Variants in SKAP1 observed in about 807,000 individuals in gnomAD.
The protein encoded by SKAP1 is src kinase associated phosphoprotein 1, also known as src kinase-associated phosphoprotein 1.
SKAP1 carries 44 observed loss-of-function variants against 58.5 expected under a neutral mutation model. That is an observed-to-expected ratio of 0.75 (90% CI 0.59 to 0.97). SKAP1 has a LOEUF of 0.97. Among genes scored for constraint, SKAP1 ranks in the 50% least tolerant of loss-of-function variants. The pLI is 0.00. For synonymous variants in SKAP1, 127 were observed against 149.7 expected, an observed-to-expected ratio of 0.85 and a Z score of 1.11; for missense variants, 390 against 435.2, an observed-to-expected ratio of 0.90 and a Z score of 0.92.
At chr17:48,443,460 CTGTT>C in the SKAP1 span, among the ~76,000 whole-genome samples, 37,520 of 149,964 alleles carry the variant, frequency 0.25, 5,888 homozygotes, top group African/African-American at 0.45. Flanking sequence ...CAAGGTAAGT[CTGTT>C]TGTTTGTTTG....
intron 11 of SKAP1, among the ~76,000 whole-genome samples, chr17:48,150,413 G>A (rs114544636): frequency 3.3e-5 from 5 of 152,298 alleles, no homozygotes; most frequent in Admixed American, 1.3e-4. Context: ...AGGAGAGGAG[G>A]AACAGGAAAG....
chr17:48,229,425 A>G (rs993092385), intron 4 of SKAP1, among the ~76,000 whole-genome samples: 6 of 152,070 alleles, frequency 3.9e-5, no homozygotes, highest in Non-Finnish European at 8.8e-5. Flanking sequence ...GTTTGTGACT[A>G]GCCTGGCCAA....
At chr17:48,424,758 C>A (rs2144621017) in intron 1 of SKAP1, among the ~76,000 whole-genome samples, 1 of 148,378 alleles carries the variant, frequency 6.7e-6, no homozygotes, top group Admixed American at 6.7e-5. Flanking sequence ...CATGCTGAAA[C>A]CCCGTGTCTA....
intron 5 of SKAP1, 145 bp from the exon 6 acceptor site, chr17:48,188,071 G>A (rs2305433): frequency 1.8e-5 from 11 of 615,424 alleles, no homozygotes; most frequent in African/African-American, 1.3e-4. Flanking sequence ...CACTCCCACA[G>A]GTTATCCCAT....
chr17:48,349,731 C>A (rs1003320324), intron 3 of SKAP1, among the ~76,000 whole-genome samples: 1 of 152,144 alleles, frequency 6.6e-6, no homozygotes, highest in Non-Finnish European at 1.5e-5. Context: ...TTCTGAGAGT[C>A]AAACTCAATT....
intron 4 of SKAP1, among the ~76,000 whole-genome samples, chr17:48,233,372 G>A (rs1398073375): frequency 2.0e-5 from 3 of 152,174 alleles, no homozygotes; most frequent in African/African-American, 7.2e-5. Flanking sequence ...AAAAGAGAAA[G>A]GATGGCAGTG....
chr17:48,290,999 G>C (rs971486249), intron 4 of SKAP1, among the ~76,000 whole-genome samples: 4 of 152,118 alleles, frequency 2.6e-5, no homozygotes, highest in African/African-American at 9.7e-5. Flanking sequence ...GCTGGCTGTG[G>C]TGGCATGCGC....
At chr17:48,402,091 G>T (rs1438701360) in intron 1 of SKAP1, among the ~76,000 whole-genome samples, 4 of 152,128 alleles carry the variant, frequency 2.6e-5, no homozygotes, top group Non-Finnish European at 5.9e-5. Flanking sequence ...ACACCCACTA[G>T]AATGGTTACA....
intron 11 of SKAP1, among the ~76,000 whole-genome samples, chr17:48,142,054 C>T (rs1442347621): frequency 1.3e-5 from 2 of 152,214 alleles, no homozygotes; most frequent in African/African-American, 4.8e-5. Flanking sequence ...CTGTCTTTGT[C>T]TCAGTGTCAA....
At chr17:48,248,081 T>C (rs941526167) in intron 4 of SKAP1, among the ~76,000 whole-genome samples, 1 of 152,162 alleles carries the variant, frequency 6.6e-6, no homozygotes, top group Non-Finnish European at 1.5e-5. Context: ...ACTATTTCTA[T>C]TAAGGCAAAT....
At chr17:48,277,972 A>T (rs968331355) in intron 4 of SKAP1, among the ~76,000 whole-genome samples, 1 of 152,254 alleles carries the variant, frequency 6.6e-6, no homozygotes, top group Non-Finnish European at 1.5e-5. Context: ...GTGGGAAACC[A>T]TTAAGCACCT....
chr17:48,184,732 G>A lies in SKAP1; in HGVS notation c.558C>T (p.Arg186=). 6.2e-7 allele frequency: 1 copy of A among 1,614,054 alleles called. No individual in the cohort carries two copies. The highest frequency in any genetic ancestry group is 8.5e-7 in the Non-Finnish European group (1 of 1,179,962). Residue 186 remains arginine (R), a synonymous_variant, in exon 7 of 13, where the codon CGC becomes CGT. Transcript: ENST00000336915. ...SCFELTSQDR[R]SYEFTATSPA... is the part of the protein sequence containing the mutation. ...CCTTGATGCGTCCTACCTCATAGCT[G>A]CGCCTATCCTGGGAGGTCAGTTCAA... is the stretch of plus-strand genomic sequence containing the variant.
intron 3 of SKAP1, among the ~76,000 whole-genome samples, chr17:48,350,892 A>G (rs537131780): frequency 6.6e-6 from 1 of 152,310 alleles, no homozygotes; most frequent in East Asian, 1.9e-4. Context: ...TCCCATAAGA[A>G]ATACAGCTCC....
At chr17:48,233,012 T>C (rs978430213) in intron 4 of SKAP1, among the ~76,000 whole-genome samples, 1 of 152,202 alleles carries the variant, frequency 6.6e-6, no homozygotes, top group Non-Finnish European at 1.5e-5. Context: ...ATAACCATGA[T>C]TGTGTTCTTA....
intron 4 of SKAP1, among the ~76,000 whole-genome samples, chr17:48,216,520 C>G (rs1464569909): frequency 6.7e-6 from 1 of 149,956 alleles, no homozygotes; most frequent in African/African-American, 2.5e-5. Context: ...GAGACAGGGT[C>G]TCACTCTGTT....
At chr17:48,283,690 G>C (rs1029362716) in intron 4 of SKAP1, among the ~76,000 whole-genome samples, 1 of 152,120 alleles carries the variant, frequency 6.6e-6, no homozygotes, top group African/African-American at 2.4e-5. Flanking sequence ...AGTGAGCGAC[G>C]GCTGGATACA....
chr17:48,405,685 G>A (rs990008483), intron 1 of SKAP1, among the ~76,000 whole-genome samples: 2 of 151,308 alleles, frequency 1.3e-5, no homozygotes, highest in African/African-American at 4.9e-5. Flanking sequence ...ATTTTTAGTA[G>A]AGATGGGGTT....
chr17:48,278,076 AACAC>A lies in SKAP1; in HGVS notation c.280+67825_280+67828del, dbSNP rs1179123385. ...AACATCTAACTTAACATTACACACA[AACAC>A]ATATTCCTATTTATCCTTCCAGACA... On this transcript the variant is annotated intron_variant, in intron 4 of 12. Coordinates refer to ENST00000336915, the MANE Select transcript of SKAP1 (RefSeq NM_003726.4). 7.7e-4 allele frequency among the ~76,000 whole-genome samples: 118 copies of A among 152,328 alleles called. 2 individuals are homozygous for A. The highest frequency in any genetic ancestry group is 3.4e-3 in the Middle Eastern group (1 of 294).
At chr17:48,358,139 A>G (rs1441263787) in intron 3 of SKAP1, among the ~76,000 whole-genome samples, 1 of 152,216 alleles carries the variant, frequency 6.6e-6, no homozygotes, top group African/African-American at 2.4e-5. Flanking sequence ...ATACTTAACA[A>G]TAAATTATAA....
Sources: gnomAD v4.1 joint callset for allele counts (sites outside exome capture counted in the v4.1 genomes callset) on GRCh38, gnomAD v4.1.1 for gene constraint, MANE v1.5 for transcripts, NCBI Gene and HGNC (gene_info 2026-07-23, HGNC 2026-07-21) for gene names.